The following NRG3 variants were observed in gnomAD, a reference collection of about 807,000 sequenced individuals.
The protein encoded by NRG3 is pro-neuregulin-3, membrane-bound isoform.
Under a neutral mutation model 66.9 loss-of-function variants are expected in NRG3, and 31 were observed. That is an observed-to-expected ratio of 0.46 (90% CI 0.35 to 0.63). The LOEUF is 0.63. Among genes scored for constraint, NRG3 ranks in the 20% least tolerant of loss-of-function variants. The pLI is 0.00. For synonymous variants in NRG3, 393 were observed against 359.4 expected (o/e 1.09, Z -1.06); for missense variants, 910 against 878.9 (o/e 1.04, Z -0.45).
chr10:82,190,826 G>A (rs1458038880), intron 1 of NRG3, among the ~76,000 whole-genome samples: 1 of 152,134 alleles, frequency 6.6e-6, no homozygotes, highest in East Asian at 1.9e-4. Context: ...CCTCCCAACT[G>A]TATTTCCTGC....
chr10:82,662,179 A>T (rs1039381326), intron 2 of NRG3, among the ~76,000 whole-genome samples: 6 of 151,934 alleles, frequency 3.9e-5, no homozygotes, highest in African/African-American at 1.5e-4. Flanking sequence ...CTTTTCTTTC[A>T]TATCTTTTGT....
chr10:82,830,629 G>A (rs895712802), intron 3 of NRG3, among the ~76,000 whole-genome samples: 3 of 152,104 alleles, frequency 2.0e-5, no homozygotes, highest in Non-Finnish European at 4.4e-5. Context: ...CCCACCTGTA[G>A]GTAATCATGA....
At chr10:82,000,309 T>G (rs1013315297) in intron 1 of NRG3, among the ~76,000 whole-genome samples, 1 of 152,196 alleles carries the variant, frequency 6.6e-6, no homozygotes, top group Non-Finnish European at 1.5e-5. Context: ...CAGAAAACAA[T>G]TATGGTATTT....
rs143839577 is a variant in NRG3 at position 81,900,702 on chromosome 10, A to G, written c.823+24539A>G. Among the ~76,000 whole-genome samples, 447 of 152,354 alleles carry G rather than the reference A, an allele frequency of 2.9e-3. 1 individual carries two copies. The highest frequency in any genetic ancestry group is 0.01 in the African/African-American group (432 of 41,594). On this transcript the variant is annotated intron_variant, in intron 1 of 8. Coordinates refer to ENST00000372141, the MANE Select transcript of NRG3 (RefSeq NM_001010848.4). The stretch of plus-strand genomic sequence containing the variant: ...TTTGTATGTTTTATAGGTATGATTT[A>G]CCCAATTTTGCTGTCCTGAGAGGAA...
Position 82,358,786 on chromosome 10 carries a change from C to G in NRG3, c.871C>G (p.Arg291Gly). The change falls in exon 2 of 9, where the codon CGA (arginine) becomes GGA (glycine). Residue 291 changes from arginine (R) to glycine (G), a missense_variant. Physicochemically the swap from Arg to Gly is moderately radical, Grantham distance 125 (BLOSUM62 -2). Coordinates refer to ENST00000372141, the MANE Select transcript of NRG3 (RefSeq NM_001010848.4). ...TERSEHFKPCRDKDLAYCLND... is the reference protein window; with the variant it reads ...TERSEHFKPCGDKDLAYCLND... ...GCGATCCGAGCACTTCAAACCCTGC[C>G]GAGACAAGGACCTTGCATACTGTCT... 1.2e-6 allele frequency: 2 copies of G among 1,614,126 alleles called. No homozygotes were observed. The highest frequency in any genetic ancestry group is 1.1e-5 in the South Asian group (1 of 91,078).
At chr10:82,738,053 T>C (rs1013068989) in intron 2 of NRG3, among the ~76,000 whole-genome samples, 2 of 144,680 alleles carry the variant, frequency 1.4e-5, no homozygotes, top group African/African-American at 5.2e-5. Flanking sequence ...GAGGTGACAC[T>C]GACTTGGAAG....
chr10:82,321,310 G>C (rs981868372), intron 1 of NRG3, among the ~76,000 whole-genome samples: 1 of 148,412 alleles, frequency 6.7e-6, no homozygotes, highest in Non-Finnish European at 1.5e-5. Context: ...GTGGGGGTGG[G>C]GGTCAGGGAA....
At chr10:81,989,064 G>C (rs1043236413) in intron 1 of NRG3, among the ~76,000 whole-genome samples, 1 of 152,146 alleles carries the variant, frequency 6.6e-6, no homozygotes, top group African/African-American at 2.4e-5. Context: ...TGCAGAGGTA[G>C]AATTAATCAA....
At chr10:82,704,235 A>G (rs1011160010) in intron 2 of NRG3, among the ~76,000 whole-genome samples, 1 of 151,956 alleles carries the variant, frequency 6.6e-6, no homozygotes, top group African/African-American at 2.4e-5. Context: ...ACCAACCACA[A>G]CACACACACA....
chr10:82,920,748 A>G (rs531707269), intron 4 of NRG3, among the ~76,000 whole-genome samples: 1 of 152,296 alleles, frequency 6.6e-6, no homozygotes, highest in African/African-American at 2.4e-5. Context: ...TGGGCATGTC[A>G]TAATATTCAG....
At chr10:82,058,814 G>C (rs1274027292) in intron 1 of NRG3, among the ~76,000 whole-genome samples, 1 of 152,054 alleles carries the variant, frequency 6.6e-6, no homozygotes, top group East Asian at 1.9e-4. Flanking sequence ...TGAAGAGGCA[G>C]TTCTTATTTA....
chr10:82,478,018 C>G (rs1841942083), intron 2 of NRG3, among the ~76,000 whole-genome samples: 1 of 152,134 alleles, frequency 6.6e-6, no homozygotes, highest in African/African-American at 2.4e-5. Flanking sequence ...CAAATCCCCT[C>G]TGGGATTTGA....
At chr10:82,933,973 G>C (rs149981070) in intron 4 of NRG3, among the ~76,000 whole-genome samples, 199 of 152,256 alleles carry the variant, frequency 1.3e-3, no homozygotes, top group African/African-American at 4.5e-3. Flanking sequence ...GAGGTAAATG[G>C]GGGTCTGGGC....
At chr10:82,315,769 A>C (rs1294042041) in intron 1 of NRG3, among the ~76,000 whole-genome samples, 2 of 150,504 alleles carry the variant, frequency 1.3e-5, no homozygotes, top group Non-Finnish European at 3.0e-5. Flanking sequence ...GGGTTCAAGC[A>C]ATTCTCCTGC....
chr10:82,760,118 A>G (rs1465311645), intron 3 of NRG3, among the ~76,000 whole-genome samples: 2 of 152,104 alleles, frequency 1.3e-5, no homozygotes, highest in African/African-American at 2.4e-5. Context: ...TGTGGCTTGG[A>G]GGTTTAATTT....
intron 1 of NRG3, among the ~76,000 whole-genome samples, chr10:81,907,838 G>T (rs1041066615): frequency 6.6e-6 from 1 of 152,162 alleles, no homozygotes; most frequent in Non-Finnish European, 1.5e-5. Context: ...AAAATTTTCA[G>T]AAGTTGGGAC....
intron 4 of NRG3, among the ~76,000 whole-genome samples, chr10:82,914,155 G>GA (rs1287256132): frequency 6.6e-6 from 1 of 150,482 alleles, no homozygotes; most frequent in Non-Finnish European, 1.5e-5. Flanking sequence ...TTATTTCTTA[G>GA]AATTTTTATC....
At chr10:82,482,264 T>C (rs1375589988) in intron 2 of NRG3, among the ~76,000 whole-genome samples, 1 of 152,200 alleles carries the variant, frequency 6.6e-6, no homozygotes, top group Non-Finnish European at 1.5e-5. Flanking sequence ...TTATGAGCAT[T>C]GAGCACACTT....
chr10:82,133,250 A>T (rs2069070746), intron 1 of NRG3, among the ~76,000 whole-genome samples: 1 of 151,750 alleles, frequency 6.6e-6, no homozygotes, highest in Admixed American at 6.6e-5. Flanking sequence ...TTTTTTTAAC[A>T]TTGTTATTTT....
Sources: allele counts gnomAD v4.1 joint callset (sites outside exome capture counted in the v4.1 genomes callset), GRCh38; gene constraint gnomAD v4.1.1; transcripts MANE v1.5; gene names NCBI Gene and HGNC (gene_info 2026-07-23, HGNC 2026-07-21).